Variants in CCDC180 observed in about 807,000 individuals in gnomAD.
The protein encoded by CCDC180 is coiled-coil domain-containing protein 180.
In CCDC180, 154 loss-of-function variants were observed where a neutral mutation model predicts 209.2. The ratio of observed to expected loss-of-function variants is 0.74; its 90% CI spans 0.65 to 0.84. CCDC180 has a LOEUF of 0.84. CCDC180 is among the 40% of genes least tolerant of loss of function. The pLI is 0.00. For missense variants in CCDC180, 1,874 were observed against 1,997.3 expected, an observed-to-expected ratio of 0.94 and a Z score of 1.18; for synonymous variants, 778 against 749.1, an observed-to-expected ratio of 1.04 and a Z score of -0.63.
At chr9:97,330,066 CA>C (rs34372293) in intron 16 of CCDC180, 87 bp from the exon 17 acceptor site, 93,531 of 575,494 alleles carry the variant, frequency 0.16, 698 homozygotes, top group African/African-American at 0.29. Flanking sequence ...AGACTCCTCT[CA>C]AAAAAAAAAA....
chr9:97,323,783 G>A lies in CCDC180; in HGVS notation c.1251G>A (p.Lys417=), dbSNP rs188954060. ...ECLMHVQNCK[K]QLLDWKAFTE... ...CTGCCTTGTCCCACACACTCCAGAA[G>A]CAGCTGCTGGACTGGAAAGCCTTCA... The change falls in exon 13 of 37, where the codon AAG becomes AAA. Residue 417 remains lysine, a splice_region_variant and synonymous_variant. Coordinates refer to ENST00000529487, the MANE Select transcript of CCDC180 (RefSeq NM_020893.6). 6.4e-7 allele frequency: 1 copy of A among 1,558,498 alleles called. No homozygotes were observed. The highest frequency in any genetic ancestry group is 8.7e-7 in the Non-Finnish European group (1 of 1,150,312).
Position 97,322,922 on chromosome 9 carries a change from G to T in CCDC180, c.1248+1G>T. 6.2e-7 allele frequency: 1 copy of T among 1,613,372 alleles called. No individual in the cohort carries two copies. Among genetic ancestry groups the T allele is most frequent in the Non-Finnish European group, 8.5e-7 (1 of 1,179,616 alleles). On this transcript the variant is annotated splice_donor_variant, in intron 12 of 36. Transcript: ENST00000529487. LOFTEE classifies it high-confidence loss of function. Reference sequence around the variant, plus strand: ...CCTGATGCATGTGCAGAATTGTAAGGTGGGCACCCTTCCTGCAGGCCTGAG... The same window carrying T: ...CCTGATGCATGTGCAGAATTGTAAGTTGGGCACCCTTCCTGCAGGCCTGAG...
At chr9:97,360,221 T>C in intron 26 of CCDC180, 120 bp downstream of exon 26, 1 of 1,191,714 alleles carries the variant, frequency 8.4e-7, no homozygotes. Flanking sequence ...CCGCGGGACA[T>C]CAGGCTTACT....
At chr9:97,321,360 G>T (rs564205427) in intron 11 of CCDC180, among the ~76,000 whole-genome samples, 20 of 152,292 alleles carry the variant, frequency 1.3e-4, no homozygotes, top group Middle Eastern at 3.4e-3. Context: ...CTCCTTAGAG[G>T]ATAACAACAA....
Position 97,377,205 on chromosome 9 carries a change from C to T in CCDC180, c.*311C>T. ...CATCACCTCCAAACAGCATGCTGGG[C>T]AGGGCACGTCATCTTGAAAAATGAA... On this transcript the variant is annotated 3_prime_UTR_variant, in exon 37 of 37. Coordinates refer to ENST00000529487, the MANE Select transcript of CCDC180 (RefSeq NM_020893.6). 1 of 208,424 alleles carries T rather than the reference C, an allele frequency of 4.8e-6. No individual in the cohort carries two copies. The highest frequency in any genetic ancestry group is 1.2e-4 in the East Asian group (1 of 8,486). The allele number at this position is 208,424 out of a possible 1,614,324, so 12.9% of individuals were successfully genotyped here.
At chr9:97,360,375 A>G (rs1826716168) in intron 26 of CCDC180, among the ~76,000 whole-genome samples, 1 of 151,898 alleles carries the variant, frequency 6.6e-6, no homozygotes, top group African/African-American at 2.4e-5. Context: ...CACTCACCCT[A>G]TCCACGGAAT....
chr9:97,311,168 C>T (rs1032190423), intron 3 of CCDC180, among the ~76,000 whole-genome samples: 2 of 152,174 alleles, frequency 1.3e-5, no homozygotes, highest in African/African-American at 4.8e-5. Flanking sequence ...GGTAAATCAC[C>T]ACTGGTATAA....
rs1833047002 is a variant in CCDC180, at chr9:97,313,177, T to C, written c.350-59T>C. The stretch of plus-strand genomic sequence containing the variant: ...TCAGTGTGCAGGGGCTGTCTGCCTG[T>C]GCTGCCTTTTCCTGAGAGCTCTGAA... On this transcript the variant is annotated intron_variant, in intron 4 of 36. Transcript: ENST00000529487. 6 of 1,115,858 alleles carry C rather than the reference T, an allele frequency of 5.4e-6. No individual in the cohort carries two copies. In the East Asian group the frequency reaches 1.5e-4, roughly 27 times the overall value. 69.1% of individuals were successfully genotyped at this position (1,115,858 alleles called of 1,614,324 possible).
chr9:97,375,308 A>G (rs944949312), intron 35 of CCDC180, 146 bp from the exon 36 acceptor site: 1 of 1,078,380 alleles, frequency 9.3e-7, no homozygotes, highest in Non-Finnish European at 1.3e-6. Context: ...CAGCATTCAC[A>G]TTCAGTATGT....
At chr9:97,350,704 C>T in intron 22 of CCDC180, 149 bp downstream of exon 22, 1 of 846,924 alleles carries the variant, frequency 1.2e-6, no homozygotes, top group Non-Finnish European at 1.8e-6. Context: ...AGATCAGTGG[C>T]ATTAAGGATA....
intron 22 of CCDC180, among the ~76,000 whole-genome samples, chr9:97,352,361 C>A (rs1178390163): frequency 6.6e-6 from 1 of 152,054 alleles, no homozygotes; most frequent in Non-Finnish European, 1.5e-5. Context: ...CAGACAATAG[C>A]CTGGGACCAA....
chr9:97,354,758 C>T, intron 23 of CCDC180, 45 bp downstream of exon 23: 1 of 1,612,218 alleles, frequency 6.2e-7, no homozygotes, highest in Non-Finnish European at 8.5e-7. Flanking sequence ...TCCACAGTAT[C>T]CCTTGCTCAA....
Position 97,346,171 on chromosome 9 carries a change from A to G in CCDC180, c.2499-1143A>G, listed in dbSNP as rs191823693. Among the ~76,000 whole-genome samples the G allele has an allele frequency of 1.1e-3, 166 of 152,256 alleles. 1 individual carries two copies. Among genetic ancestry groups the G allele is most frequent in the Non-Finnish European group, 1.8e-3 (124 of 68,028 alleles). ...TGCTACGTGTCTTTTCTAGTTCTCT[A>G]TGTGTCTATCCAATGACTTCACGCT... On this transcript the variant is annotated intron_variant, in intron 19 of 36. Coordinates refer to ENST00000529487, the MANE Select transcript of CCDC180 (RefSeq NM_020893.6).
intron 22 of CCDC180, among the ~76,000 whole-genome samples, chr9:97,353,784 G>A (rs1001869911): frequency 6.6e-6 from 1 of 152,106 alleles, no homozygotes; most frequent in African/African-American, 2.4e-5. Context: ...CTTTGCCCTT[G>A]GATCTAGACA....
chr9:97,357,109 C>T (rs925789919), intron 24 of CCDC180, among the ~76,000 whole-genome samples: 1 of 152,248 alleles, frequency 6.6e-6, no homozygotes, highest in Non-Finnish European at 1.5e-5. Context: ...GTGAGAGGTG[C>T]ACTTGCCAGG....
chr9:97,329,920 T>G (rs979902565), intron 16 of CCDC180, among the ~76,000 whole-genome samples: 2 of 151,806 alleles, frequency 1.3e-5, no homozygotes, highest in Non-Finnish European at 2.9e-5. Flanking sequence ...TACAAAAAAT[T>G]AGCCAGGCGT....
At chr9:97,330,247 T>A in intron 17 of CCDC180, 54 bp downstream of exon 17, 1 of 1,605,184 alleles carries the variant, frequency 6.2e-7, no homozygotes, top group Non-Finnish European at 8.5e-7. Flanking sequence ...CTTACGCGTT[T>A]GTGGGTTGGG....
chr9:97,358,490 G>A (rs10435869), intron 25 of CCDC180, among the ~76,000 whole-genome samples: 10,988 of 152,160 alleles, frequency 0.072, 1,038 homozygotes, highest in African/African-American at 0.21. Context: ...AGTCAGAATT[G>A]GAACAGTTTG....
intron 31 of CCDC180, among the ~76,000 whole-genome samples, chr9:97,368,664 T>C (rs1050878755): frequency 3.9e-5 from 6 of 152,220 alleles, no homozygotes; most frequent in African/African-American, 1.2e-4. Context: ...TTGTGGCTCA[T>C]CCAAAACACC....
Sources: gnomAD v4.1 joint callset for allele counts (sites outside exome capture counted in the v4.1 genomes callset) on GRCh38, gnomAD v4.1.1 for gene constraint, MANE v1.5 for transcripts, NCBI Gene and HGNC (gene_info 2026-07-23, HGNC 2026-07-21) for gene names.